Variants in DCAF12 observed in about 807,000 individuals in gnomAD.
DCAF12 encodes DDB1- and CUL4-associated factor 12.
In DCAF12, 28 loss-of-function variants were observed where a neutral mutation model predicts 52.8. That is an observed-to-expected ratio of 0.53 (90% CI 0.39 to 0.73). The LOEUF (loss-of-function observed/expected upper bound fraction) is 0.73, where lower values mean the gene tolerates loss of function less well. Ranked by LOEUF, DCAF12 falls within the 30% of genes least tolerant of loss-of-function variation. The pLI is 0.00. For synonymous variants in DCAF12, 196 were observed against 215.5 expected (o/e 0.91, Z 0.79); for missense variants, 425 against 552.2 (o/e 0.77, Z 2.31).
intron 1 of DCAF12, 140 bp downstream of exon 1, chr9:34,126,214 C>G: frequency 9.3e-7 from 1 of 1,071,814 alleles, no homozygotes; most frequent in South Asian, 1.4e-5. Context: ...CCAGTCCTGA[C>G]CCTATAGGCC....
At chr9:34,098,794 A>C (rs1304746012) in intron 4 of DCAF12, among the ~76,000 whole-genome samples, 1 of 152,128 alleles carries the variant, frequency 6.6e-6, no homozygotes, top group Non-Finnish European at 1.5e-5. Context: ...TTTGAGACAG[A>C]GTCTCGCTTT....
At chr9:34,119,834 T>G (rs1025594640) in intron 2 of DCAF12, among the ~76,000 whole-genome samples, 5 of 151,734 alleles carry the variant, frequency 3.3e-5, no homozygotes, top group Admixed American at 2.0e-4. Context: ...CCTGAGTAGC[T>G]AGGACCAAAG....
chr9:34,088,258 G>A lies in DCAF12; in HGVS notation c.*92C>T, dbSNP rs1828590394. ...CTTTGGTGTTCCCACTAAAACACAA[G>A]AGCCTCACACAATTAGGAAAAAAAA... On this transcript the variant is annotated 3_prime_UTR_variant, in exon 9 of 9. Transcript: ENST00000361264. 1 of 1,401,700 alleles carries A rather than the reference G, an allele frequency of 7.1e-7. No homozygotes were observed. The highest frequency in any genetic ancestry group is 9.5e-7 in the Non-Finnish European group (1 of 1,050,322). 86.8% of individuals were successfully genotyped at this position (1,401,700 alleles called of 1,614,324 possible). A position where few individuals can be genotyped will look rare whatever the true frequency, so the allele number is the denominator to read the frequency against.
intron 7 of DCAF12, among the ~76,000 whole-genome samples, chr9:34,091,661 A>AG (rs1554698965): frequency 1.3e-4 from 19 of 148,564 alleles, no homozygotes; most frequent in South Asian, 6.4e-4. Context: ...AAAAAAAAAA[A>AG]CCACAAAAAA....
chr9:34,112,942 T>C (rs970112657), intron 2 of DCAF12, among the ~76,000 whole-genome samples: 19 of 152,268 alleles, frequency 1.2e-4, no homozygotes, highest in South Asian at 4.1e-4. Flanking sequence ...AACCAGATAA[T>C]CCTCAAATTA....
intron 2 of DCAF12, among the ~76,000 whole-genome samples, chr9:34,114,108 C>CA (rs34360829): frequency 0.22 from 32,380 of 144,190 alleles, 4,419 homozygotes; most frequent in East Asian, 0.59. Flanking sequence ...TACTCCGTCT[C>CA]AAAAAAAAAA....
At chr9:34,125,342 TACAGA>T in intron 1 of DCAF12, 65 bp from the exon 2 acceptor site, 2 of 1,562,298 alleles carry the variant, frequency 1.3e-6, no homozygotes, top group Non-Finnish European at 1.7e-6. Flanking sequence ...CCTACTGTAT[TACAGA>T]AATCACCAAC....
intron 4 of DCAF12, among the ~76,000 whole-genome samples, chr9:34,099,980 C>T (rs1374410671): frequency 1.3e-5 from 2 of 152,120 alleles, no homozygotes; most frequent in African/African-American, 4.8e-5. Flanking sequence ...CTTGGGAATC[C>T]TCCCCTCTAG....
At chr9:34,089,688 C>T in intron 7 of DCAF12, 98 bp from the exon 8 acceptor site, 1 of 1,181,764 alleles carries the variant, frequency 8.5e-7, no homozygotes. Context: ...TCAACGTCCA[C>T]CCTGCTCCCC....
chr9:34,102,291 A>G (rs909549530), intron 4 of DCAF12, among the ~76,000 whole-genome samples: 1 of 151,966 alleles, frequency 6.6e-6, no homozygotes, highest in African/African-American at 2.4e-5. Flanking sequence ...TCCAAAAAAA[A>G]AAAGAATAAT....
chr9:34,089,356 G>A, intron 8 of DCAF12, 56 bp downstream of exon 8: 2 of 1,518,036 alleles, frequency 1.3e-6, no homozygotes, highest in South Asian at 2.5e-5. Flanking sequence ...GAGAGATAGA[G>A]GAAGATAATT....
intron 2 of DCAF12, among the ~76,000 whole-genome samples, chr9:34,111,980 CA>C (rs542223380): frequency 0.027 from 3,748 of 140,722 alleles, 153 homozygotes; most frequent in African/African-American, 0.09. Flanking sequence ...ACTAAAAATA[CA>C]AAAAAAAAAA....
At chr9:34,088,966 C>T (rs1385511264) in intron 8 of DCAF12, among the ~76,000 whole-genome samples, 4 of 151,660 alleles carry the variant, frequency 2.6e-5, no homozygotes, top group Non-Finnish European at 4.4e-5. Context: ...ATAAATTAGC[C>T]GGGCACAGTG....
intron 6 of DCAF12, among the ~76,000 whole-genome samples, chr9:34,095,372 C>CTTTTTT (rs36066422): frequency 1.3e-5 from 1 of 78,166 alleles, no homozygotes; most frequent in Non-Finnish European, 2.4e-5. Flanking sequence ...CGCGCCAGGC[C>CTTTTTT]TTTTTTTTTT....
chr9:34,103,801 G>A (rs1828865528), intron 4 of DCAF12, among the ~76,000 whole-genome samples: 2 of 152,142 alleles, frequency 1.3e-5, no homozygotes, highest in Non-Finnish European at 2.9e-5. Flanking sequence ...ATAATCACAC[G>A]CTGCACTCCA....
intron 7 of DCAF12, among the ~76,000 whole-genome samples, chr9:34,091,492 T>C (rs923260880): frequency 6.6e-6 from 1 of 151,708 alleles, no homozygotes; most frequent in African/African-American, 2.4e-5. Flanking sequence ...AAAAATTAGC[T>C]GAATGAGGTG....
intron 7 of DCAF12, among the ~76,000 whole-genome samples, chr9:34,090,469 C>T (rs1307865747): frequency 6.6e-6 from 1 of 152,126 alleles, no homozygotes; most frequent in East Asian, 1.9e-4. Context: ...CTTTAGATCA[C>T]AAGGAAAACA....
intron 7 of DCAF12, among the ~76,000 whole-genome samples, chr9:34,092,219 A>C (rs1828655969): frequency 6.6e-6 from 1 of 152,248 alleles, no homozygotes; most frequent in African/African-American, 2.4e-5. Flanking sequence ...AGGTTCTGAC[A>C]TATGTATATA....
At chr9:34,104,656 C>A (rs533298945) in intron 4 of DCAF12, among the ~76,000 whole-genome samples, 4 of 152,300 alleles carry the variant, frequency 2.6e-5, no homozygotes, top group African/African-American at 9.6e-5. Flanking sequence ...TGGCTCATGC[C>A]TGTAATCCCA....
Sources: allele counts gnomAD v4.1 joint callset (sites outside exome capture counted in the v4.1 genomes callset), GRCh38; gene constraint gnomAD v4.1.1; transcripts MANE v1.5; gene names NCBI Gene and HGNC (gene_info 2026-07-23, HGNC 2026-07-21).